SPTBN5: variants seen among roughly 807,000 people sequenced by gnomAD.
SPTBN5 encodes spectrin beta chain, non-erythrocytic 5.
Under a neutral mutation model 477.6 loss-of-function variants are expected in SPTBN5, and 513 were observed. The observed-to-expected ratio is 1.07, with a 90% confidence interval of 1.00 to 1.16. The LOEUF is 1.16. SPTBN5 is among the 50% of genes most tolerant of loss of function. The pLI, the probability that SPTBN5 is intolerant of heterozygous loss-of-function variation, is 0.00. For synonymous variants in SPTBN5, 2,169 were observed against 2,011.7 expected, an observed-to-expected ratio of 1.08 and a Z score of -2.09; for missense variants, 5,062 against 4,731.8, an observed-to-expected ratio of 1.07 and a Z score of -2.05.
chr15:41,875,030 G>A lies in SPTBN5; in HGVS notation c.4314C>T (p.Leu1438=), dbSNP rs762819167. ...TTTCCGAGCTCTGTAGGGCCCCTTCGAGCTGCTCCAGCTGCTCCTTTGCAT... is the reference window on the plus strand; with the variant it reads ...TTTCCGAGCTCTGTAGGGCCCCTTCAAGCTGCTCCAGCTGCTCCTTTGCAT... The part of the protein sequence containing the change: ...LQDAKEQLEQ[L]EGALQSSETG... The change falls in exon 23 of 68, where the codon CTC becomes CTT. Residue 1438 remains leucine, a synonymous_variant. Coordinates refer to ENST00000320955, the MANE Select transcript of SPTBN5 (RefSeq NM_016642.4). 1.5e-5 allele frequency: 24 copies of A among 1,612,868 alleles called. No homozygotes were observed. Among genetic ancestry groups the A allele is most frequent in the East Asian group, 2.2e-5 (1 of 44,862 alleles).
At position 41,855,602 on chromosome 15, in the gene SPTBN5, G is replaced by T; in HGVS notation, c.9165C>A (p.Ile3055=). Residue 3055 remains isoleucine, a synonymous_variant, in exon 54 of 68, where the codon ATC becomes ATA. Coordinates refer to ENST00000320955, the MANE Select transcript of SPTBN5 (RefSeq NM_016642.4). ...KRDLEAFSPR[I]ERLQQTAALL... ...GTGCTGCTGTCTGCTGCAGCCGCTC[G>T]ATGCGTGGGCTGAACGCTTCCAGGT... 1 of 1,611,656 alleles carries T rather than the reference G, an allele frequency of 6.2e-7. No individual in the cohort carries two copies. The highest frequency in any genetic ancestry group is 1.3e-5 in the African/African-American group (1 of 75,048).
rs891437946 is a variant in SPTBN5 at position 41,852,637 on chromosome 15, T to G, written c.10446A>C (p.Thr3482=). The change falls in exon 61 of 68, where the codon ACA becomes ACC. Residue 3482 remains threonine, a synonymous_variant. Coordinates refer to ENST00000320955, the MANE Select transcript of SPTBN5 (RefSeq NM_016642.4). Reference sequence around the variant, plus strand: ...CCCTAGCCGAGGCAGTCGTCACCTCTGTCTTTTGCATTTGGGCAAACTTCT... The same window carrying G: ...CCCTAGCCGAGGCAGTCGTCACCTCGGTCTTTTGCATTTGGGCAAACTTCT... ...QEEKFAQMQK[T]EMEQELLLQP... 6.2e-7 allele frequency: 1 copy of G among 1,613,528 alleles called. No individual in the cohort carries two copies. The highest frequency in any genetic ancestry group is 8.5e-7 in the Non-Finnish European group (1 of 1,179,868).
Position 41,855,752 on chromosome 15 carries a change from G to C in SPTBN5, c.9022-7C>G. The C allele has an allele frequency of 6.4e-7, 1 of 1,568,970 alleles. No individual in the cohort carries two copies. Among genetic ancestry groups the C allele is most frequent in the Non-Finnish European group, 8.6e-7 (1 of 1,158,714 alleles). ...AGGATCCCGCCTCCAGGAGCTGGGG[G>C]TGACAGAGTGGAGATCCGTTTTCCC... On this transcript the variant is annotated splice_region_variant and splice_polypyrimidine_tract_variant and intron_variant, in intron 53 of 67. Coordinates refer to ENST00000320955, the MANE Select transcript of SPTBN5 (RefSeq NM_016642.4).
At chr15:41,868,875 A>G (rs1282991682) in intron 32 of SPTBN5, among the ~76,000 whole-genome samples, 2 of 152,308 alleles carry the variant, frequency 1.3e-5, no homozygotes, top group East Asian at 3.9e-4. Flanking sequence ...CCATCTCTAC[A>G]GAGCTCACCT....
rs772095776 is a variant in SPTBN5 at position 41,893,445 on chromosome 15, C to A, written c.53G>T (p.Arg18Leu). ...GAGTTCTGTGCTGGGCCTCCTGCTG[C>A]GGTGCCCTGCAGCCCCGAGGAGCTC... ...PRELLGAAGH[R>L]SRRPSTELRV... The change falls in exon 2 of 68, where the codon CGC becomes CTC. Residue 18 changes from arginine (R) to leucine (L), a missense_variant. Physicochemically the swap from Arg to Leu is moderately radical, Grantham distance 102 (BLOSUM62 -2). Transcript: ENST00000320955. The A allele has an allele frequency of 1.2e-6, 2 of 1,610,460 alleles. No homozygotes were observed. Among genetic ancestry groups the A allele is most frequent in the Non-Finnish European group, 8.5e-7 (1 of 1,179,258 alleles).
chr15:41,883,949 C>A (rs1305663028), intron 7 of SPTBN5, among the ~76,000 whole-genome samples: 1 of 152,080 alleles, frequency 6.6e-6, no homozygotes, highest in Non-Finnish European at 1.5e-5. Context: ...GGCCACCATG[C>A]CCGGCTAATT....
At chr15:41,883,587 C>A in intron 7 of SPTBN5, 101 bp from the exon 8 acceptor site, 1 of 1,424,846 alleles carries the variant, frequency 7.0e-7, no homozygotes, top group East Asian at 2.3e-5. Context: ...CTGGAAGAGT[C>A]TGACCTCCAT....
At chr15:41,853,541 A>G (rs1797037308) in intron 58 of SPTBN5, 41 bp downstream of exon 58, 1 of 1,546,792 alleles carries the variant, frequency 6.5e-7, no homozygotes, top group African/African-American at 1.4e-5. Flanking sequence ...CCCCCACCCC[A>G]CAGGGTAGAG....
Position 41,855,444 on chromosome 15 carries a change from G to T in SPTBN5, c.9219-16C>A, listed in dbSNP as rs763562053. On this transcript the variant is annotated splice_polypyrimidine_tract_variant and intron_variant, in intron 54 of 67. Coordinates refer to ENST00000320955, the MANE Select transcript of SPTBN5 (RefSeq NM_016642.4). Reference sequence around the variant, plus strand: ...CACCTTGGGGCTGTGGGAAGAGAGCGACAGTCTGGACTGCAGCCCTGCCTT... The same window carrying T: ...CACCTTGGGGCTGTGGGAAGAGAGCTACAGTCTGGACTGCAGCCCTGCCTT... 1.9e-6 allele frequency: 3 copies of T among 1,595,662 alleles called. No homozygotes were observed. Among genetic ancestry groups the T allele is most frequent in the Non-Finnish European group, 2.6e-6 (3 of 1,169,866 alleles).
rs74716131 is a variant in SPTBN5, at chr15:41,870,375, G to C, written c.5563-22C>G. The C allele has an allele frequency of 3.1e-3, 4,875 of 1,595,396 alleles. 136 individuals carry two copies. In the African/African-American group the frequency reaches 0.059, roughly 19 times the overall value. On this transcript the variant is annotated intron_variant, in intron 30 of 67. Transcript: ENST00000320955. ...TCTCCTGAGGAAGGGAGAATGCCGA[G>C]GAGATGAGGGATGGAGCGTGGGCAC...
chr15:41,882,534 A>C, intron 10 of SPTBN5, 51 bp downstream of exon 10: 3 of 1,589,018 alleles, frequency 1.9e-6, no homozygotes, highest in Non-Finnish European at 2.6e-6. Context: ...GGGGCCCGAG[A>C]GGGAAGGGCA....
chr15:41,855,785 C>T (rs773890591), intron 53 of SPTBN5, 40 bp from the exon 54 acceptor site: 3 of 1,502,408 alleles, frequency 2.0e-6, no homozygotes, highest in Admixed American at 4.2e-5. Context: ...CCCGGGGCAC[C>T]CTCCAGGGCT....
chr15:41,875,608 C>T lies in SPTBN5; in HGVS notation c.4137G>A (p.Leu1379=). The change falls in exon 22 of 68, where the codon CTG becomes CTA. Residue 1379 remains leucine, a synonymous_variant. Coordinates refer to ENST00000320955, the MANE Select transcript of SPTBN5 (RefSeq NM_016642.4). ...CCTGGCCACAGGGCCTCCTACTCAACAGCTCTCTCCCAACCTGGAGTGGAG... is the reference window on the plus strand; with the variant it reads ...CCTGGCCACAGGGCCTCCTACTCAATAGCTCTCTCCCAACCTGGAGTGGAG... ...VEALQQVGRE[L]LSRRPCGQED... 1.3e-6 allele frequency: 2 copies of T among 1,591,710 alleles called. No individual in the cohort carries two copies. The highest frequency in any genetic ancestry group is 2.3e-5 in the East Asian group (1 of 43,906).
At chr15:41,869,671 T>C (rs552086197) in intron 32 of SPTBN5, among the ~76,000 whole-genome samples, 170 bp downstream of exon 32, 2 of 152,352 alleles carry the variant, frequency 1.3e-5, no homozygotes, top group Non-Finnish European at 2.9e-5. Flanking sequence ...GCTATGCCCA[T>C]GTGCTCAGCC....
In SPTBN5 at chr15:41,886,313, C is replaced by T; in HGVS notation, c.942G>A (p.Leu314=). Residue 314 remains leucine (L), a synonymous_variant, in exon 7 of 68, where the codon CTG becomes CTA. Transcript: ENST00000320955. ...CAATCCAGCGTAGAAGGTCAGCCAC[C>T]AGCTGCTCGTACTGGGTCTGCAGCA... ...TELLQTQYEQ[L]VADLLRWIAE... 6.2e-7 allele frequency: 1 copy of T among 1,612,904 alleles called. No homozygotes were observed. The highest frequency in any genetic ancestry group is 8.5e-7 in the Non-Finnish European group (1 of 1,179,626).
chr15:41,883,640 C>T lies in SPTBN5; in HGVS notation c.1521-154G>A, dbSNP rs116690413. On this transcript the variant is annotated intron_variant, in intron 7 of 67. Transcript: ENST00000320955. ...TGGACTCTGACAGCATCCTGGCAGG[C>T]GGTGGTAGAGGCAGTGTGTCCTACC... Among the ~76,000 whole-genome samples, 606 of 152,264 alleles carry T rather than the reference C, an allele frequency of 4.0e-3. 3 individuals carry two copies. The highest frequency in any genetic ancestry group is 0.014 in the African/African-American group (582 of 41,532).
intron 31 of SPTBN5, 43 bp downstream of exon 31, chr15:41,870,200 G>A (rs952588502): frequency 1.3e-6 from 2 of 1,527,968 alleles, no homozygotes; most frequent in South Asian, 1.2e-5. Context: ...AGCCTGAGGG[G>A]GCTGCAGGGG....
Position 41,862,194 on chromosome 15 carries a change from G to T in SPTBN5, c.7484C>A (p.Thr2495Lys). 2.5e-6 allele frequency: 4 copies of T among 1,610,178 alleles called. No individual in the cohort carries two copies. Among genetic ancestry groups the T allele is most frequent in the Non-Finnish European group, 3.4e-6 (4 of 1,178,304 alleles). The change falls in exon 44 of 68, where the codon ACG (threonine) becomes AAG (lysine). Residue 2495 changes from threonine to lysine, a missense_variant. Thr to Lys is a moderately conservative substitution (Grantham distance 78). Transcript: ENST00000320955. ...CACAGGGCTGCGAGGAGCGGGGCTCGTGTCCATCTGAGCCCGCAGCCTCTG... is the reference window on the plus strand; with the variant it reads ...CACAGGGCTGCGAGGAGCGGGGCTCTTGTCCATCTGAGCCCGCAGCCTCTG... ...SAQRLRAQMD[T>K]SPAPRSPVEA...
intron 25 of SPTBN5, 47 bp downstream of exon 25, chr15:41,873,798 G>A (rs1285920587): frequency 2.5e-6 from 4 of 1,600,092 alleles, no homozygotes; most frequent in Non-Finnish European, 3.4e-6. Context: ...CCCTCAAGGA[G>A]CCCTGACTTC....
Sources: gnomAD v4.1 joint callset for allele counts (sites outside exome capture counted in the v4.1 genomes callset) on GRCh38, gnomAD v4.1.1 for gene constraint, MANE v1.5 for transcripts, NCBI Gene and HGNC (gene_info 2026-07-23, HGNC 2026-07-21) for gene names.